ARHGEF7: variants seen among roughly 807,000 people sequenced by gnomAD.
ARHGEF7 encodes the protein Rho guanine nucleotide exchange factor 7, also known as PAK-interacting exchange factor beta.
A neutral mutation model predicts 109.8 loss-of-function variants in ARHGEF7; 33 were observed. The ratio of observed to expected loss-of-function variants is 0.30; its 90% CI spans 0.23 to 0.40. The LOEUF (loss-of-function observed/expected upper bound fraction) is 0.40. ARHGEF7 is among the 10% of genes least tolerant of loss of function. The pLI is 1.00. For synonymous variants in ARHGEF7, 458 were observed against 424.6 expected, an observed-to-expected ratio of 1.08 and a Z score of -0.97; for missense variants, 938 against 1,098.5, an observed-to-expected ratio of 0.85 and a Z score of 2.07.
At position 111,280,273 on chromosome 13, in the gene ARHGEF7, G is replaced by C; in HGVS notation, c.1508G>C (p.Gly503Ala). ...SPRMSGFIYQ[G>A]KLPTTGMTIT... ...TTTGTGGGGGGGGGTCTTTTTTAGGGAAAGCTTCCAACGACAGGAATGACA... is the reference window on the plus strand; with the variant it reads ...TTTGTGGGGGGGGGTCTTTTTTAGGCAAAGCTTCCAACGACAGGAATGACA... Residue 503 changes from glycine (G) to alanine (A), a missense_variant and splice_region_variant, in exon 14 of 22, where the codon GGA becomes GCA. Physicochemically the swap from Gly to Ala is moderately conservative, Grantham distance 60 (BLOSUM62 0). Around this residue, in one of 4 missense-constraint regions of ARHGEF7, gnomAD observed 585 missense variants for 723.6 expected, o/e 0.81. Transcript: ENST00000646102. 6.2e-7 allele frequency: 1 copy of C among 1,608,978 alleles called. No homozygotes were observed. Among genetic ancestry groups the C allele is most frequent in the Non-Finnish European group, 8.5e-7 (1 of 1,178,252 alleles).
chr13:111,290,852 G>A (rs1309824412), intron 18 of ARHGEF7, among the ~76,000 whole-genome samples: 3 of 152,180 alleles, frequency 2.0e-5, no homozygotes, highest in African/African-American at 4.8e-5. Flanking sequence ...GAAATTGCTC[G>A]CTTGTGCTGG....
Position 111,243,983 on chromosome 13 carries a change from A to T in ARHGEF7, c.854+17A>T. On this transcript the variant is annotated intron_variant, in intron 7 of 21. Coordinates refer to ENST00000646102, the MANE Select transcript of ARHGEF7 (RefSeq NM_001354046.2). ...CAGTGAGAAGTAAGTTAGATGATAAATTGCATTAACTGTAAAATAGTCTAA... is the reference window on the plus strand; with the variant it reads ...CAGTGAGAAGTAAGTTAGATGATAATTTGCATTAACTGTAAAATAGTCTAA... 6.3e-7 allele frequency: 1 copy of T among 1,577,042 alleles called. No homozygotes were observed. Among genetic ancestry groups the T allele is most frequent in the South Asian group, 1.1e-5 (1 of 89,766 alleles).
At chr13:111,285,889 G>A (rs1218871169) in intron 16 of ARHGEF7, among the ~76,000 whole-genome samples, 1 of 151,484 alleles carries the variant, frequency 6.6e-6, no homozygotes, top group Admixed American at 6.6e-5. Context: ...GGACTAACAG[G>A]ACCCAAATGA....
chr13:111,167,989 G>A (rs902712702), intron 2 of ARHGEF7, among the ~76,000 whole-genome samples: 17 of 152,208 alleles, frequency 1.1e-4, no homozygotes, highest in African/African-American at 3.4e-4. Flanking sequence ...TGACAGTGTG[G>A]AGTTATGGCA....
chr13:111,157,831 C>G (rs2076459689), intron 2 of ARHGEF7, among the ~76,000 whole-genome samples: 1 of 152,132 alleles, frequency 6.6e-6, no homozygotes, highest in African/African-American at 2.4e-5. Context: ...GAAAAGGTCA[C>G]AATGAATTAG....
At position 111,268,292 on chromosome 13, in the gene ARHGEF7, C is replaced by G. The variant is rs528085243; in HGVS notation, c.1073+622C>G. Among the ~76,000 whole-genome samples, 11 of 152,136 alleles carry G rather than the reference C, an allele frequency of 7.2e-5. No homozygotes were observed. In the South Asian group the frequency reaches 2.1e-3, roughly 29 times the overall value. ...GAGGATTGGCTTGGAGGAGACCACA[C>G]CGGGGCTTAGAGAGCTCAGAGGCTC... On this transcript the variant is annotated intron_variant, in intron 9 of 21. Transcript: ENST00000646102.
intron 2 of ARHGEF7, among the ~76,000 whole-genome samples, chr13:111,174,778 A>G (rs1748151944): frequency 6.6e-6 from 1 of 152,216 alleles, no homozygotes; most frequent in Non-Finnish European, 1.5e-5. Context: ...TGGGGGTCGT[A>G]AGCAGAAAGG....
At chr13:111,158,848 T>C (rs893457421) in intron 2 of ARHGEF7, among the ~76,000 whole-genome samples, 3 of 152,266 alleles carry the variant, frequency 2.0e-5, no homozygotes, top group Admixed American at 1.3e-4. Flanking sequence ...TTACCTCACA[T>C]ACTTCTTATT....
rs114782784 is a variant in ARHGEF7 at position 111,252,486 on chromosome 13, G to A, written c.950+8192G>A. On this transcript the variant is annotated intron_variant, in intron 8 of 21. Transcript: ENST00000646102. ...TACAGAAGACATTACATGTTTTGCTGCAAATTAAATGATTGCAGATGTGAA... is the reference window on the plus strand; with the variant it reads ...TACAGAAGACATTACATGTTTTGCTACAAATTAAATGATTGCAGATGTGAA... 8.9e-3 allele frequency among the ~76,000 whole-genome samples: 1,355 copies of A among 152,312 alleles called. 24 individuals are homozygous for A. Among genetic ancestry groups the A allele is most frequent in the African/African-American group, 0.031 (1,281 of 41,554 alleles).
intron 8 of ARHGEF7, among the ~76,000 whole-genome samples, chr13:111,262,537 A>G (rs563002742): frequency 2.6e-4 from 40 of 152,268 alleles, no homozygotes; most frequent in Non-Finnish European, 5.6e-4. Flanking sequence ...GGAGATGTGT[A>G]TGGAGGTTCC....
rs1566606927 is a variant in ARHGEF7 at position 111,133,801 on chromosome 13, A to G, written c.165+18110A>G. ...TATATATATATATATATATATATAT[A>G]TATATATATATATTTATTATACTTT... On this transcript the variant is annotated intron_variant, in intron 1 of 21. Coordinates refer to ENST00000646102, the MANE Select transcript of ARHGEF7 (RefSeq NM_001354046.2). Among the ~76,000 whole-genome samples the G allele has an allele frequency of 1.2e-3, 41 of 33,652 alleles. 1 individual carries two copies. The highest frequency in any genetic ancestry group is 3.5e-3 in the African/African-American group (39 of 11,020). 22.1% of individuals were successfully genotyped at this position (33,652 alleles called of 152,430 possible). A position where few individuals can be genotyped will look rare whatever the true frequency, so the allele number is the denominator to read the frequency against.
rs905425707 is a variant in ARHGEF7, at chr13:111,287,856, A to G, written c.2045-498A>G. ...GATGATGGGCCCGGGTTTTCACAGG[A>G]CCACGGGCTGCCGTGTGGGGAACAG... On this transcript the variant is annotated intron_variant, in intron 17 of 21. Transcript: ENST00000646102. Among the ~76,000 whole-genome samples the G allele has an allele frequency of 3.9e-5, 6 of 152,264 alleles. No homozygotes were observed. In the East Asian group the frequency reaches 1.2e-3, roughly 29 times the overall value.
At chr13:111,281,312 C>G (rs180914690) in intron 15 of ARHGEF7, among the ~76,000 whole-genome samples, 26 of 144,526 alleles carry the variant, frequency 1.8e-4, no homozygotes, top group African/African-American at 6.6e-4. Context: ...CAGTCGTCAT[C>G]TTTATCAAGT....
chr13:111,245,515 G>C (rs1432710573), intron 8 of ARHGEF7, among the ~76,000 whole-genome samples: 2 of 152,138 alleles, frequency 1.3e-5, no homozygotes, highest in Non-Finnish European at 2.9e-5. Context: ...ATCAACTGTA[G>C]AACAGTCAAC....
chr13:111,180,848 C>T (rs992364749), intron 2 of ARHGEF7, among the ~76,000 whole-genome samples: 2 of 152,130 alleles, frequency 1.3e-5, no homozygotes, highest in East Asian at 3.8e-4. Context: ...ATTTTTAATA[C>T]GTGTGTTTAT....
rs555355975 is a variant in ARHGEF7, at chr13:111,165,707, G to A, written c.252+11716G>A. ...AGGAAGTGTCCTGCACAGCGGTACAGCTGAGGGCTTCGTGCTCCTGAGTTC... is the reference window on the plus strand; with the variant it reads ...AGGAAGTGTCCTGCACAGCGGTACAACTGAGGGCTTCGTGCTCCTGAGTTC... On this transcript the variant is annotated intron_variant, in intron 2 of 21. Transcript: ENST00000646102. 2.6e-5 allele frequency among the ~76,000 whole-genome samples: 4 copies of A among 152,340 alleles called. No individual in the cohort carries two copies. The South Asian group carries it at 8.3e-4, about 32-fold the overall frequency.
intron 8 of ARHGEF7, among the ~76,000 whole-genome samples, chr13:111,262,081 A>C (rs79002268): frequency 0.021 from 3,265 of 152,284 alleles, 119 homozygotes; most frequent in African/African-American, 0.075. Context: ...CCAAACCCAA[A>C]ATTGTAGAAG....
chr13:111,118,293 G>C (rs749867213), intron 1 of ARHGEF7, among the ~76,000 whole-genome samples: 1 of 152,222 alleles, frequency 6.6e-6, no homozygotes, highest in Non-Finnish European at 1.5e-5. Context: ...GGACGTTCAC[G>C]GCGTGTCAGA....
Position 111,221,401 on chromosome 13 carries a change from CTA to C in ARHGEF7, c.670+3530_670+3531del, listed in dbSNP as rs1362753664. 2.4e-3 allele frequency among the ~76,000 whole-genome samples: 42 copies of C among 17,814 alleles called. 17 individuals are homozygous for C. The highest frequency in any genetic ancestry group is 9.6e-3 in the African/African-American group (39 of 4,044). The allele number at this position is 17,814 out of a possible 152,430, so 11.7% of individuals were successfully genotyped here. ...TCTATATATATAGATGTCTATATAT[CTA>C]TATATATAGATGTCTATATATCTAT... On this transcript the variant is annotated intron_variant, in intron 5 of 21. Coordinates refer to ENST00000646102, the MANE Select transcript of ARHGEF7 (RefSeq NM_001354046.2).
Sources: allele counts gnomAD v4.1 joint callset (sites outside exome capture counted in the v4.1 genomes callset), GRCh38; gene constraint gnomAD v4.1.1; regional missense constraint gnomAD v4.1.1; transcripts MANE v1.5; gene names NCBI Gene and HGNC (gene_info 2026-07-23, HGNC 2026-07-21).